The following ZNF142 variants were observed in gnomAD, a reference collection of about 807,000 sequenced individuals.
ZNF142 encodes the protein zinc finger protein 142 (clone pHZ-49).
Under a neutral mutation model 132.1 loss-of-function variants are expected in ZNF142, and 96 were observed. The observed-to-expected ratio is 0.73, with a 90% CI of 0.62 to 0.86. The LOEUF (loss-of-function observed/expected upper bound fraction) is 0.86, where lower values mean the gene tolerates loss of function less well. Among genes scored for constraint, ZNF142 ranks in the 40% least tolerant of loss-of-function variants. ZNF142 has a pLI of 0.00. For synonymous variants in ZNF142, 842 were observed against 890.1 expected (o/e 0.95, Z 0.96); for missense variants, 2,163 against 2,336.2 (o/e 0.93, Z 1.53).
In ZNF142 at chr2:218,649,461, T is replaced by A; in HGVS notation, c.1049-2A>T. On this transcript the variant is annotated splice_acceptor_variant, in intron 6 of 10. Coordinates refer to ENST00000411696, the MANE Select transcript of ZNF142 (RefSeq NM_001379659.1). LOFTEE classifies it high-confidence loss of function. ...ACTCGGTGCCAGAGACCACATCCCC[T>A]GGGAAAGGGAATACAGAGAGTTGAG... 6.3e-7 allele frequency: 1 copy of A among 1,579,626 alleles called. No individual in the cohort carries two copies. Among genetic ancestry groups the A allele is most frequent in the Non-Finnish European group, 8.6e-7 (1 of 1,161,706 alleles).
In ZNF142 at chr2:218,643,315, A is replaced by G; in HGVS notation, c.3801T>C (p.Asp1267=). 1 of 1,614,174 alleles carries G rather than the reference A, an allele frequency of 6.2e-7. No individual in the cohort carries two copies. Among genetic ancestry groups the G allele is most frequent in the Non-Finnish European group, 8.5e-7 (1 of 1,180,012 alleles). ...GKRGTPQTQP[D]VSPLSNGDSA... is the part of the protein sequence containing the mutation. ...AGTCCCCATTGCTCAACGGGGACAC[A>G]TCAGGCTGGGTCTGGGGGGTCCCTC... The change falls in exon 9 of 11, where the codon GAT becomes GAC. Residue 1267 remains aspartate (D), a synonymous_variant. Transcript: ENST00000411696.
Position 218,643,946 on chromosome 2 carries a change from G to T in ZNF142, c.3170C>A (p.Thr1057Asn). Residue 1057 changes from threonine (T) to asparagine (N), a missense_variant, in exon 9 of 11, where the codon ACT (threonine) becomes AAT (asparagine). By Grantham distance (65) the Thr-to-Asn change is moderately conservative (BLOSUM62 0). Coordinates refer to ENST00000411696, the MANE Select transcript of ZNF142 (RefSeq NM_001379659.1). ...GGGCTCTCGGCGGCCTTGGCACCCA[G>T]TCCTGGAGTGCAGATTCAGGGCCTT... ...REKALNLHSR[T>N]GCQGRREPLL... 1 of 1,614,156 alleles carries T rather than the reference G, an allele frequency of 6.2e-7. No individual in the cohort carries two copies. The highest frequency in any genetic ancestry group is 8.5e-7 in the Non-Finnish European group (1 of 1,180,000).
rs1696571941 is a variant in ZNF142 at position 218,634,213 on chromosome 2, G to A, written c.*4126C>T. 1 of 1,609,544 alleles carries A rather than the reference G, an allele frequency of 6.2e-7. No individual in the cohort carries two copies. The highest frequency in any genetic ancestry group is 8.5e-7 in the Non-Finnish European group (1 of 1,177,928). ...CCCCAGGAACTCTGGAATGCAGGCT[G>A]CCAGATGGGTGAGGAGGCAGCAGGG... On this transcript the variant is annotated 3_prime_UTR_variant, in exon 11 of 11. Coordinates refer to ENST00000411696, the MANE Select transcript of ZNF142 (RefSeq NM_001379659.1). The surrounding 1 kb of genome is among the most constrained non-coding windows in gnomAD (Gnocchi z 4.0).
intron 4 of ZNF142, among the ~76,000 whole-genome samples, chr2:218,653,803 A>G (rs1938237994): frequency 6.6e-6 from 1 of 152,142 alleles, no homozygotes; most frequent in Non-Finnish European, 1.5e-5. Context: ...AATCAAAACG[A>G]AATTCTGCCC....
intron 3 of ZNF142, among the ~76,000 whole-genome samples, chr2:218,657,656 C>T (rs575425154): frequency 6.6e-6 from 1 of 152,190 alleles, no homozygotes; most frequent in East Asian, 1.9e-4. Context: ...TCTTGAACTC[C>T]AGAACTCAGG....
rs1239546044 is a variant in ZNF142, at chr2:218,633,653, T to C, written c.*4686A>G. The C allele has an allele frequency of 5.0e-6, 8 of 1,613,424 alleles. No homozygotes were observed. The highest frequency in any genetic ancestry group is 1.1e-5 in the South Asian group (1 of 91,072). The stretch of plus-strand genomic sequence containing the variant: ...AGCCCTCTCTTCCCTGGTTATCTAC[T>C]TGAAGTCTGTCTCATTCCGCAGCTT... On this transcript the variant is annotated 3_prime_UTR_variant, in exon 11 of 11. Transcript: ENST00000411696.
intron 4 of ZNF142, among the ~76,000 whole-genome samples, chr2:218,655,757 G>A (rs1938423428): frequency 6.6e-6 from 1 of 152,212 alleles, no homozygotes; most frequent in African/African-American, 2.4e-5. Context: ...GCCCTGCCAA[G>A]CCCAGGGTGG....
At position 218,636,766 on chromosome 2, in the gene ZNF142, T is replaced by C; in HGVS notation, c.*1573A>G. 1.5e-6 allele frequency: 1 copy of C among 673,618 alleles called. No homozygotes were observed. Among genetic ancestry groups the C allele is most frequent in the South Asian group, 1.7e-5 (1 of 60,604 alleles). The allele number at this position is 673,618 out of a possible 1,614,324, so 41.7% of individuals were successfully genotyped here. ...GATTTTCCACCTTTTTTCTCTTTTC[T>C]TCCCTTCCTTTGTTTTCATAAGCCT... is the stretch of plus-strand genomic sequence containing the variant. On this transcript the variant is annotated 3_prime_UTR_variant, in exon 11 of 11. Transcript: ENST00000411696.
chr2:218,655,470 TTTTTG>T (rs1207126490), intron 4 of ZNF142, among the ~76,000 whole-genome samples: 2 of 152,016 alleles, frequency 1.3e-5, no homozygotes, highest in Admixed American at 6.6e-5. Context: ...AACTCCTACT[TTTTTG>T]TTTTGTTTTG....
chr2:218,648,797 C>T lies in ZNF142; in HGVS notation c.1711G>A (p.Glu571Lys). 1 of 1,614,214 alleles carries T rather than the reference C, an allele frequency of 6.2e-7. No homozygotes were observed. The highest frequency in any genetic ancestry group is 8.5e-7 in the Non-Finnish European group (1 of 1,180,026). The change falls in exon 7 of 11, where the codon GAG becomes AAG. Residue 571 changes from glutamate to lysine, a missense_variant. Physicochemically the swap from Glu to Lys is moderately conservative, Grantham distance 56. This residue lies in a region of ZNF142 where 749 missense variants were observed against 830.3 expected (regional missense o/e 0.90). Coordinates refer to ENST00000411696, the MANE Select transcript of ZNF142 (RefSeq NM_001379659.1). ...HKKQGHPGSE[E>K]LRCTFCPFAT... ...AAGGGGCAGAAGGTGCAGCGCAGCT[C>T]TTCACTGCCAGGGTGGCCCTGCTTC...
rs771868788 is a variant in ZNF142 at position 218,646,251 on chromosome 2, G to A, written c.1971C>T (p.Tyr657=). 1 of 1,614,096 alleles carries A rather than the reference G, an allele frequency of 6.2e-7. No homozygotes were observed. Among genetic ancestry groups the A allele is most frequent in the Non-Finnish European group, 8.5e-7 (1 of 1,180,050 alleles). ...TGACATAGCCACATTCAGTGCACATGTAATCCTTGGTGTTGGAGTGGGTCA... is the reference window on the plus strand; with the variant it reads ...TGACATAGCCACATTCAGTGCACATATAATCCTTGGTGTTGGAGTGGGTCA... The part of the protein sequence containing the change: ...HMLTHSNTKD[Y]MCTECGYVTK... The change falls in exon 8 of 11, where the codon TAC becomes TAT. Residue 657 remains tyrosine (Y), a synonymous_variant. Coordinates refer to ENST00000411696, the MANE Select transcript of ZNF142 (RefSeq NM_001379659.1).
chr2:218,644,879 C>T lies in ZNF142; in HGVS notation c.2237G>A (p.Cys746Tyr), dbSNP rs1697595593. Residue 746 changes from cysteine (C) to tyrosine (Y), a missense_variant, in exon 9 of 11, where the codon TGC becomes TAC. Physicochemically the swap from Cys to Tyr is radical, Grantham distance 194. Coordinates refer to ENST00000411696, the MANE Select transcript of ZNF142 (RefSeq NM_001379659.1). The surrounding 1 kb of genome is among the most constrained non-coding windows in gnomAD (Gnocchi z 4.6). ...GCGGCTCTGGTAACTGCAGTAGTGG[C>T]AAGGGTAGAGTGGGGCCGGTGTGCC... ...HPGTPAPLYP[C>Y]HYCSYQSRHK... 2 of 1,614,070 alleles carry T rather than the reference C, an allele frequency of 1.2e-6. No individual in the cohort carries two copies. The highest frequency in any genetic ancestry group is 1.7e-6 in the Non-Finnish European group (2 of 1,179,970).
Position 218,643,316 on chromosome 2 carries a change from T to A in ZNF142, c.3800A>T (p.Asp1267Val), listed in dbSNP as rs765549201. The stretch of plus-strand genomic sequence containing the variant: ...GTCCCCATTGCTCAACGGGGACACA[T>A]CAGGCTGGGTCTGGGGGGTCCCTCG... ...GKRGTPQTQP[D>V]VSPLSNGDSA... The change falls in exon 9 of 11, where the codon GAT (aspartate) becomes GTT (valine). Residue 1267 changes from aspartate to valine, a missense_variant. Physicochemically the swap from Asp to Val is radical, Grantham distance 152. Around this residue, in one of 7 missense-constraint regions of ZNF142, gnomAD observed 809 missense variants for 801.7 expected, o/e 1.01. Coordinates refer to ENST00000411696, the MANE Select transcript of ZNF142 (RefSeq NM_001379659.1). 1.1e-5 allele frequency: 17 copies of A among 1,614,004 alleles called. No homozygotes were observed. Among genetic ancestry groups the A allele is most frequent in the Non-Finnish European group, 1.4e-5 (16 of 1,180,020 alleles).
rs936652468 is a variant in ZNF142 at position 218,651,956 on chromosome 2, C to G, written c.625G>C (p.Gly209Arg). 7 of 1,022,294 alleles carry G rather than the reference C, an allele frequency of 6.8e-6. No homozygotes were observed. The highest frequency in any genetic ancestry group is 9.4e-6 in the Non-Finnish European group (7 of 744,414). The allele number at this position is 1,022,294 out of a possible 1,614,324, so 63.3% of individuals were successfully genotyped here. A position where few individuals can be genotyped will look rare whatever the true frequency, so the allele number is the denominator to read the frequency against. ...GTCTGCCTCAGGTGGTGCTGCAGACCCTTGCGATCTTCAGCAGAGAACACA... is the reference window on the plus strand; with the variant it reads ...GTCTGCCTCAGGTGGTGCTGCAGACGCTTGCGATCTTCAGCAGAGAACACA... ...GCVFSAEDRK[G>R]LQHHLRQTHR... The change falls in exon 5 of 11, where the codon GGT becomes CGT. Residue 209 changes from glycine (G) to arginine (R), a missense_variant. This residue lies in a region of ZNF142 where 195 missense variants were observed against 172.4 expected (regional missense o/e 1.13). Coordinates refer to ENST00000411696, the MANE Select transcript of ZNF142 (RefSeq NM_001379659.1).
In ZNF142 at chr2:218,644,516, C is replaced by A; in HGVS notation, c.2600G>T (p.Arg867Ile). ...ATGGGGAGCCTCACTGCCCTCCTGTCTTCCAGTGTTGACCTCCTCACTCAT... is the reference window on the plus strand; with the variant it reads ...ATGGGGAGCCTCACTGCCCTCCTGTATTCCAGTGTTGACCTCCTCACTCAT... ...PEMSEEVNTG[R>I]QEGSEAPHGG... is the part of the protein sequence containing the mutation. The change falls in exon 9 of 11, where the codon AGA (arginine) becomes ATA (isoleucine). Residue 867 changes from arginine (R) to isoleucine (I), a missense_variant. Around this residue, in one of 7 missense-constraint regions of ZNF142, gnomAD observed 749 missense variants for 830.3 expected, o/e 0.90. Coordinates refer to ENST00000411696, the MANE Select transcript of ZNF142 (RefSeq NM_001379659.1). This position sits in a 1 kb window ranked among gnomAD's most constrained non-coding sequence, Gnocchi z 4.6. 1 of 1,614,012 alleles carries A rather than the reference C, an allele frequency of 6.2e-7. No homozygotes were observed. The highest frequency in any genetic ancestry group is 1.1e-5 in the South Asian group (1 of 91,082).
chr2:218,646,807 G>A (rs183035787), intron 7 of ZNF142, among the ~76,000 whole-genome samples: 39 of 152,120 alleles, frequency 2.6e-4, no homozygotes, highest in South Asian at 8.3e-4. Flanking sequence ...GGCTGTTCTC[G>A]AACTCCTGAC....
Position 218,648,646 on chromosome 2 carries a change from AG to A in ZNF142, c.1861del (p.Leu621PhefsTer21), listed in dbSNP as rs1209381368. 1 of 1,613,116 alleles carries A rather than the reference AG, an allele frequency of 6.2e-7. No individual in the cohort carries two copies. Among genetic ancestry groups the A allele is most frequent in the Admixed American group, 1.7e-5 (1 of 60,010 alleles). On this transcript the variant is annotated frameshift_variant, in exon 7 of 11. Transcript: ENST00000411696. LOFTEE classifies it high-confidence loss of function. ...GGAAACCATCCTACCCGTATGTAGAAGCATGTGTCGGATGAGCACCCTCTTG... is the reference window on the plus strand; with the variant it reads ...GGAAACCATCCTACCCGTATGTAGAACATGTGTCGGATGAGCACCCTCTTG... ...AHKRVLIRHM[L>X]LHTGEKPHKC...
intron 8 of ZNF142, among the ~76,000 whole-genome samples, chr2:218,645,391 T>C (rs1697647812): frequency 6.6e-6 from 1 of 152,166 alleles, no homozygotes; most frequent in South Asian, 2.1e-4. Context: ...TGACCCACTG[T>C]AGACTTCCAA....
intron 7 of ZNF142, among the ~76,000 whole-genome samples, chr2:218,647,487 C>T (rs1462415611): frequency 1.4e-5 from 2 of 145,064 alleles, no homozygotes; most frequent in South Asian, 2.3e-4. Flanking sequence ...GTGCTATTAT[C>T]ACCCTCATTT....
Sources: gnomAD v4.1 joint callset for allele counts (sites outside exome capture counted in the v4.1 genomes callset) on GRCh38, gnomAD v4.1.1 for gene constraint, gnomAD v4.1.1 regional missense constraint, Gnocchi (gnomAD v3.1) non-coding constraint, MANE v1.5 for transcripts, NCBI Gene and HGNC (gene_info 2026-07-23, HGNC 2026-07-21) for gene names.